FUNDC2: variants seen among roughly 807,000 people sequenced by gnomAD.
The protein encoded by FUNDC2 is FUN14 domain-containing protein 2.
In FUNDC2, 4 loss-of-function variants were observed where a neutral mutation model predicts 15.6. That is an observed-to-expected ratio of 0.26 (90% CI 0.13 to 0.59). The LOEUF is 0.59. Ranked by LOEUF, FUNDC2 falls within the 20% of genes least tolerant of loss-of-function variation. The probability of loss-of-function intolerance (pLI) is 0.90; values close to 1 mark genes in which losing one functional copy is unlikely to be tolerated. For synonymous variants in FUNDC2, 44 were observed against 56.9 expected (o/e 0.77, Z 1.02); for missense variants, 98 against 149.7 (o/e 0.65, Z 1.80).
At chrX:155,053,873 G>A (rs143549422) in intron 4 of FUNDC2, 146 of 750,537 alleles carry the variant, frequency 1.9e-4, no homozygotes, top group Middle Eastern at 1.5e-3. Context: ...TATCAAAATT[G>A]TCTCTGAAAT....
Position 155,059,935 on chromosome X carries a change from T to C in FUNDC2, c.*5263T>C, listed in dbSNP as rs2032057. The C allele has an allele frequency of 0.47, 51,452 of 110,113 alleles. 10,477 individuals carry two copies. The highest frequency in any genetic ancestry group is 0.8 in the African/African-American group (23,980 of 30,050). The allele number at this position is 110,113 out of a possible 1,213,427, so 9.1% of individuals were successfully genotyped here. ...TGTGGAGTGCTCACTCCCCTTTTGC[T>C]TTCTGCCATGGCTGTAAGTTTCCTG... On this transcript the variant is annotated 3_prime_UTR_variant, in exon 5 of 5. Transcript: ENST00000369498.
Position 155,026,980 on chromosome X carries a change from G to T in FUNDC2, c.42G>T (p.Ala14=). The T allele has an allele frequency of 8.3e-7, 1 of 1,202,462 alleles. No individual in the cohort carries two copies. The highest frequency in any genetic ancestry group is 1.1e-6 in the Non-Finnish European group (1 of 891,854). ...CACGTGCCGGAAGCCAAGTGGTGGCGACAACTGCGCGCCACTCCGCGGCCT... is the reference window on the plus strand; with the variant it reads ...CACGTGCCGGAAGCCAAGTGGTGGCTACAACTGCGCGCCACTCCGCGGCCT... The part of the protein sequence containing the change: ...SAPRAGSQVV[A]TTARHSAAYR... Residue 14 remains alanine (A), a synonymous_variant, in exon 1 of 5, where the codon GCG becomes GCT. Coordinates refer to ENST00000369498, the MANE Select transcript of FUNDC2 (RefSeq NM_023934.4).
In FUNDC2 at chrX:155,060,278, G is replaced by T. The variant is rs1217031950; in HGVS notation, c.*5606G>T. On this transcript the variant is annotated 3_prime_UTR_variant, in exon 5 of 5. Transcript: ENST00000369498. ...TAAATGTAATTTAGATTTGTAGATG[G>T]TGTAACATTAAAGTTGTATGATGTT... 1 of 112,010 alleles carries T rather than the reference G, an allele frequency of 8.9e-6. No homozygotes were observed. Among genetic ancestry groups the T allele is most frequent in the Admixed American group, 9.4e-5 (1 of 10,602 alleles). 9.2% of individuals were successfully genotyped at this position (112,010 alleles called of 1,213,427 possible).
At chrX:155,033,341 TATCTC>T in intron 1 of FUNDC2, 57 bp from the exon 2 acceptor site, 2 of 827,211 alleles carry the variant, frequency 2.4e-6, no homozygotes, top group Non-Finnish European at 1.7e-6. Flanking sequence ...TTTCTTTAAA[TATCTC>T]AATCTAGTTA....
At position 155,055,580 on chromosome X, in the gene FUNDC2, G is replaced by A. The variant is rs1042634223; in HGVS notation, c.*908G>A. 9 of 233,525 alleles carry A rather than the reference G, an allele frequency of 3.9e-5. No individual in the cohort carries two copies. The highest frequency in any genetic ancestry group is 1.2e-3 in the Middle Eastern group (1 of 852). The allele number at this position is 233,525 out of a possible 1,213,427, so 19.2% of individuals were successfully genotyped here. On this transcript the variant is annotated 3_prime_UTR_variant, in exon 5 of 5. Transcript: ENST00000369498. ...AAATTTCCATCAAGTGTAATCTACCGTCTCATGATGACCACAACCCTGAGA... is the reference window on the plus strand; with the variant it reads ...AAATTTCCATCAAGTGTAATCTACCATCTCATGATGACCACAACCCTGAGA...
chrX:155,056,255 T>C lies in FUNDC2; in HGVS notation c.*1583T>C, dbSNP rs2073895737. 1 of 112,051 alleles carries C rather than the reference T, an allele frequency of 8.9e-6. No homozygotes were observed. Among genetic ancestry groups the C allele is most frequent in the Admixed American group, 9.4e-5 (1 of 10,610 alleles). The allele number at this position is 112,051 out of a possible 1,213,427, so 9.2% of individuals were successfully genotyped here. ...AATCATCAAATTATAGCTCTGCTGG[T>C]TTTTACCAGTTATTGTGAAACAAAT... On this transcript the variant is annotated 3_prime_UTR_variant, in exon 5 of 5. Coordinates refer to ENST00000369498, the MANE Select transcript of FUNDC2 (RefSeq NM_023934.4).
intron 2 of FUNDC2, among the ~76,000 whole-genome samples, chrX:155,044,908 C>T (rs782381633): frequency 1.8e-5 from 2 of 112,183 alleles, no homozygotes; most frequent in East Asian, 5.6e-4. Flanking sequence ...TATCTGCCCT[C>T]TCATGTTCAG....
At position 155,058,782 on chromosome X, in the gene FUNDC2, G is replaced by C. The variant is rs968931842; in HGVS notation, c.*4110G>C. 1.8e-5 allele frequency: 2 copies of C among 110,657 alleles called. No individual in the cohort carries two copies. The highest frequency in any genetic ancestry group is 3.8e-5 in the Non-Finnish European group (2 of 52,888). 9.1% of individuals were successfully genotyped at this position (110,657 alleles called of 1,213,427 possible). The stretch of plus-strand genomic sequence containing the variant: ...GTCATATGGTATAGCTTATATTTCC[G>C]ATGCTTGCATTCTTTTTAAGGGGTC... On this transcript the variant is annotated 3_prime_UTR_variant, in exon 5 of 5. Coordinates refer to ENST00000369498, the MANE Select transcript of FUNDC2 (RefSeq NM_023934.4).
At chrX:155,051,978 ATTGT>A (rs1356534611) in intron 4 of FUNDC2, among the ~76,000 whole-genome samples, 177 bp downstream of exon 4, 2 of 112,815 alleles carry the variant, frequency 1.8e-5, no homozygotes, top group African/African-American at 6.4e-5. Flanking sequence ...AAGCTGGATA[ATTGT>A]TTGGTGACCT....
chrX:155,054,341 ATCC>A (rs1174448264), intron 4 of FUNDC2: 5 of 751,102 alleles, frequency 6.7e-6, no homozygotes, highest in Non-Finnish European at 6.3e-6. Flanking sequence ...CCTGATGTGC[ATCC>A]TCCTTCCCAT....
At chrX:155,032,280 CTTTTTTTT>C (rs200923469) in intron 1 of FUNDC2, among the ~76,000 whole-genome samples, 1 of 62,748 alleles carries the variant, frequency 1.6e-5, no homozygotes, top group Non-Finnish European at 2.9e-5. Flanking sequence ...CTGGTGCCTT[CTTTTTTTT>C]TTTTTTTTTT....
chrX:155,038,267 T>C (rs1209011224), intron 2 of FUNDC2, among the ~76,000 whole-genome samples: 3 of 111,196 alleles, frequency 2.7e-5, no homozygotes, highest in African/African-American at 9.8e-5. Flanking sequence ...AAATTGTATT[T>C]ATTTGTGGCG....
rs1175079092 is a variant in FUNDC2, at chrX:155,042,175, C to CTTTTTTTTTTTTTTT, written c.285-4319_285-4305dup. 4.1e-4 allele frequency among the ~76,000 whole-genome samples: 16 copies of CTTTTTTTTTTTTTTT among 39,204 alleles called. 2 individuals are homozygous for CTTTTTTTTTTTTTTT. Among genetic ancestry groups the CTTTTTTTTTTTTTTT allele is most frequent in the African/African-American group, 2.1e-3 (16 of 7,647 alleles). 34.0% of individuals were successfully genotyped at this position (39,204 alleles called of 115,157 possible). The stretch of plus-strand genomic sequence containing the variant: ...CCTTGCTATAGTTTTCTTTTTCTAT[C>CTTTTTTTTTTTTTTT]TTTTTTTTTTTTTTTTTTTTTTTTT... On this transcript the variant is annotated intron_variant, in intron 2 of 4. Coordinates refer to ENST00000369498, the MANE Select transcript of FUNDC2 (RefSeq NM_023934.4).
rs2073896588 is a variant in FUNDC2, at chrX:155,056,355, C to G, written c.*1683C>G. ...AATTATTTCTAAAAATCATAAATACCTCATCATATCAGACATTAACAGTAA... is the reference window on the plus strand; with the variant it reads ...AATTATTTCTAAAAATCATAAATACGTCATCATATCAGACATTAACAGTAA... On this transcript the variant is annotated 3_prime_UTR_variant, in exon 5 of 5. Coordinates refer to ENST00000369498, the MANE Select transcript of FUNDC2 (RefSeq NM_023934.4). 9.0e-6 allele frequency: 1 copy of G among 111,044 alleles called. No individual in the cohort carries two copies. Among genetic ancestry groups the G allele is most frequent in the East Asian group, 2.8e-4 (1 of 3,573 alleles). 9.2% of individuals were successfully genotyped at this position (111,044 alleles called of 1,213,427 possible).
chrX:155,038,615 T>C (rs2073838770), intron 2 of FUNDC2, among the ~76,000 whole-genome samples: 1 of 112,375 alleles, frequency 8.9e-6, no homozygotes, highest in Admixed American at 9.4e-5. Context: ...GTATTTGTCT[T>C]TCTGTGCCTG....
rs2073910192 is a variant in FUNDC2, at chrX:155,057,379, CT to C, written c.*2708del. ...CATTTGACTGGAGAGGCCTGCTTAG[CT>C]AGGCACGTATTTTCTCCAGTAGCAG... is the stretch of plus-strand genomic sequence containing the variant. On this transcript the variant is annotated 3_prime_UTR_variant, in exon 5 of 5. Coordinates refer to ENST00000369498, the MANE Select transcript of FUNDC2 (RefSeq NM_023934.4). 9.0e-6 allele frequency: 1 copy of C among 111,362 alleles called. No individual in the cohort carries two copies. The highest frequency in any genetic ancestry group is 1.9e-5 in the Non-Finnish European group (1 of 52,568). 9.2% of individuals were successfully genotyped at this position (111,362 alleles called of 1,213,427 possible). A position where few individuals can be genotyped will look rare whatever the true frequency, so the allele number is the denominator to read the frequency against.
rs139305698 is a variant in FUNDC2, at chrX:155,047,382, C to G, written c.360+798C>G. 1,090 of 340,889 alleles carry G rather than the reference C, an allele frequency of 3.2e-3. 11 individuals are homozygous for G. Among genetic ancestry groups the G allele is most frequent in the African/African-American group, 0.025 (952 of 37,726 alleles). The allele number at this position is 340,889 out of a possible 1,213,427, so 28.1% of individuals were successfully genotyped here. A position where few individuals can be genotyped will look rare whatever the true frequency, so the allele number is the denominator to read the frequency against. On this transcript the variant is annotated intron_variant, in intron 3 of 4. Coordinates refer to ENST00000369498, the MANE Select transcript of FUNDC2 (RefSeq NM_023934.4). ...CTCTTCCCACAGTTGGCAACCCTCA[C>G]TTTTGCAAGGTAAGTTCTGCATTAG...
chrX:155,040,739 A>T (rs1276422127), intron 2 of FUNDC2, among the ~76,000 whole-genome samples: 1 of 111,453 alleles, frequency 9.0e-6, no homozygotes, highest in Admixed American at 9.5e-5. Flanking sequence ...TGATAATTCT[A>T]TGTTTACTTT....
Position 155,026,864 on chromosome X carries a change from G to C in FUNDC2, c.-75G>C. On this transcript the variant is annotated 5_prime_UTR_variant, in exon 1 of 5. Coordinates refer to ENST00000369498, the MANE Select transcript of FUNDC2 (RefSeq NM_023934.4). ...CCTGTGACACCGCACGCTGAGCTCT[G>C]TGATGTAGCCGCTTGCGGAGACTGC... 1.7e-6 allele frequency: 2 copies of C among 1,150,330 alleles called. No homozygotes were observed. The highest frequency in any genetic ancestry group is 3.6e-5 in the African/African-American group (2 of 55,497). The allele number at this position is 1,150,330 out of a possible 1,213,427, so 94.8% of individuals were successfully genotyped here.
Sources: allele counts gnomAD v4.1 joint callset (sites outside exome capture counted in the v4.1 genomes callset), GRCh38; gene constraint gnomAD v4.1.1; transcripts MANE v1.5; gene names NCBI Gene and HGNC (gene_info 2026-07-23, HGNC 2026-07-21).